Variants in NELL1 observed in about 807,000 individuals in gnomAD.
The protein encoded by NELL1 is protein kinase C-binding protein NELL1.
In NELL1, 76 loss-of-function variants were observed where a neutral mutation model predicts 107.4. The ratio of observed to expected loss-of-function variants is 0.71; its 90% CI spans 0.59 to 0.86. The LOEUF (loss-of-function observed/expected upper bound fraction) is 0.86. Ranked by LOEUF, NELL1 falls within the 40% of genes least tolerant of loss-of-function variation. The pLI is 0.00. For missense variants in NELL1, 1,024 were observed against 1,005.5 expected (o/e 1.02, Z -0.25); for synonymous variants, 353 against 341.2 (o/e 1.03, Z -0.38).
chr11:21,172,601 C>G (rs7948260), intron 13 of NELL1, among the ~76,000 whole-genome samples: 69,375 of 151,240 alleles, frequency 0.46, 16,438 homozygotes, highest in Middle Eastern at 0.5. Context: ...CTACCTTCTC[C>G]GAGGGATTAA....
chr11:21,501,127 C>A (rs950718599), intron 15 of NELL1, among the ~76,000 whole-genome samples: 1 of 152,108 alleles, frequency 6.6e-6, no homozygotes, highest in Non-Finnish European at 1.5e-5. Flanking sequence ...CATGCATAAT[C>A]TACAGGTCTT....
chr11:21,152,854 A>G (rs939683376), intron 13 of NELL1, among the ~76,000 whole-genome samples: 1 of 152,030 alleles, frequency 6.6e-6, no homozygotes, highest in Non-Finnish European at 1.5e-5. Context: ...GCTTTTTCCT[A>G]ATTATATCCT....
chr11:20,903,682 T>G (rs929217603), intron 5 of NELL1, among the ~76,000 whole-genome samples: 4 of 152,118 alleles, frequency 2.6e-5, no homozygotes, highest in Non-Finnish European at 5.9e-5. Context: ...AACTTTAGAT[T>G]GCATACAAAT....
chr11:21,413,630 CCTTA>C (rs1852432597), intron 15 of NELL1, among the ~76,000 whole-genome samples: 1 of 152,008 alleles, frequency 6.6e-6, no homozygotes, highest in Non-Finnish European at 1.5e-5. Context: ...CAGGTTCTGT[CCTTA>C]TTTTAGCCTG....
chr11:21,008,012 T>A (rs1055611863), intron 12 of NELL1, among the ~76,000 whole-genome samples: 1 of 152,114 alleles, frequency 6.6e-6, no homozygotes, highest in African/African-American at 2.4e-5. Flanking sequence ...TATAAATCAT[T>A]TAATTCAGAC....
intron 2 of NELL1, among the ~76,000 whole-genome samples, chr11:20,706,940 G>A (rs1358490349): frequency 6.6e-6 from 1 of 152,074 alleles, no homozygotes; most frequent in Non-Finnish European, 1.5e-5. Context: ...GTTAGGTTGG[G>A]GAAGTTCTCC....
chr11:20,675,303 T>C (rs1854025882), intron 1 of NELL1, among the ~76,000 whole-genome samples: 1 of 152,174 alleles, frequency 6.6e-6, no homozygotes, highest in Non-Finnish European at 1.5e-5. Context: ...GCTGTGGATA[T>C]GAGAGGGGTA....
chr11:20,696,387 C>T (rs988970894), intron 2 of NELL1, among the ~76,000 whole-genome samples: 1 of 151,954 alleles, frequency 6.6e-6, no homozygotes, highest in Non-Finnish European at 1.5e-5. Flanking sequence ...TGTCTTGTTA[C>T]TCTGGGTGTG....
chr11:21,497,785 G>T (rs967656891), intron 15 of NELL1, among the ~76,000 whole-genome samples: 14 of 151,898 alleles, frequency 9.2e-5, no homozygotes, highest in Non-Finnish European at 2.9e-5. Context: ...AATAATTTAT[G>T]TCAGATTCTA....
At chr11:20,868,504 G>A (rs1849136085) in intron 4 of NELL1, among the ~76,000 whole-genome samples, 4 of 152,036 alleles carry the variant, frequency 2.6e-5, no homozygotes, top group African/African-American at 9.7e-5. Context: ...TAATGTTACT[G>A]AATTGTACAA....
intron 14 of NELL1, among the ~76,000 whole-genome samples, chr11:21,360,995 T>C (rs984063757): frequency 6.6e-6 from 1 of 152,196 alleles, no homozygotes; most frequent in African/African-American, 2.4e-5. Flanking sequence ...GTTCTATTCA[T>C]CATGCTAGTT....
intron 15 of NELL1, among the ~76,000 whole-genome samples, chr11:21,519,684 C>G (rs1030382597): frequency 1.3e-5 from 2 of 151,932 alleles, no homozygotes; most frequent in South Asian, 2.1e-4. Flanking sequence ...GGTGCCTGCC[C>G]CCAGGATGAA....
intron 14 of NELL1, among the ~76,000 whole-genome samples, chr11:21,361,073 C>G (rs1448923855): frequency 6.6e-6 from 1 of 152,058 alleles, no homozygotes; most frequent in Non-Finnish European, 1.5e-5. Context: ...GAAATGTATG[C>G]TTTAAGGAGT....
At position 21,027,780 on chromosome 11, in the gene NELL1, A is replaced by G. The variant is rs143097517; in HGVS notation, c.1300+67220A>G. On this transcript the variant is annotated intron_variant, in intron 12 of 19. Transcript: ENST00000357134. ...CTTGTTTTGATTTTTAGCAAAATGC[A>G]GTTTAGTTTCCCTGAAACCTTAACA... Among the ~76,000 whole-genome samples, 14 of 152,290 alleles carry G rather than the reference A, an allele frequency of 9.2e-5. No individual in the cohort carries two copies. In the East Asian group the frequency reaches 2.7e-3, roughly 29 times the overall value.
intron 13 of NELL1, among the ~76,000 whole-genome samples, chr11:21,131,606 G>A (rs907570077): frequency 6.6e-6 from 1 of 152,148 alleles, no homozygotes; most frequent in Non-Finnish European, 1.5e-5. Flanking sequence ...ACAATGATAT[G>A]TACTTACTTG....
chr11:21,436,212 G>A (rs572059685), intron 15 of NELL1, among the ~76,000 whole-genome samples: 3 of 152,100 alleles, frequency 2.0e-5, no homozygotes, highest in East Asian at 1.9e-4. Flanking sequence ...GCGCCACCAC[G>A]TCCAGCTAAT....
chr11:21,548,685 T>G (rs1856501836), intron 16 of NELL1, among the ~76,000 whole-genome samples: 1 of 151,752 alleles, frequency 6.6e-6, no homozygotes, highest in Non-Finnish European at 1.5e-5. Context: ...ATCAGAGATT[T>G]ACCATCTAGT....
intron 2 of NELL1, among the ~76,000 whole-genome samples, chr11:20,685,992 C>T (rs1854296636): frequency 6.6e-6 from 1 of 151,940 alleles, no homozygotes; most frequent in African/African-American, 2.4e-5. Flanking sequence ...ATTCAAGCCT[C>T]AGTTTCCTTG....
chr11:20,975,164 A>G (rs569176124), intron 12 of NELL1, among the ~76,000 whole-genome samples: 3 of 149,584 alleles, frequency 2.0e-5, no homozygotes, highest in East Asian at 4.0e-4. Flanking sequence ...GCCCGCCACC[A>G]TGCCTGGCTA....
Sources: allele counts gnomAD v4.1 joint callset (sites outside exome capture counted in the v4.1 genomes callset), GRCh38; gene constraint gnomAD v4.1.1; transcripts MANE v1.5; gene names NCBI Gene and HGNC (gene_info 2026-07-23, HGNC 2026-07-21).